The following PKP4 variants were observed in gnomAD, a reference collection of about 807,000 sequenced individuals.
PKP4 encodes the protein plakophilin 4.
In PKP4, 90 loss-of-function variants were observed where a neutral mutation model predicts 145.1. That is an observed-to-expected ratio of 0.62 (90% CI 0.52 to 0.74). PKP4 has a LOEUF of 0.74. Among genes scored for constraint, PKP4 ranks in the 30% least tolerant of loss-of-function variants. PKP4 has a pLI of 0.00. For synonymous variants in PKP4, 563 were observed against 577.2 expected (o/e 0.98, Z 0.35); for missense variants, 1,340 against 1,482.7 (o/e 0.90, Z 1.58).
intron 1 of PKP4, among the ~76,000 whole-genome samples, chr2:158,507,130 G>A (rs1219250444): frequency 2.0e-5 from 3 of 152,122 alleles, no homozygotes; most frequent in Admixed American, 6.5e-5. Context: ...CCATTACTTC[G>A]ATGTTTTTAT....
At chr2:158,483,622 A>G (rs559018195) in intron 1 of PKP4, among the ~76,000 whole-genome samples, 5 of 152,262 alleles carry the variant, frequency 3.3e-5, no homozygotes, top group South Asian at 2.1e-4. Flanking sequence ...GGGATCTACT[A>G]TCTGGAAAAG....
chr2:158,626,470 A>G (rs1266857065), intron 7 of PKP4, among the ~76,000 whole-genome samples: 2 of 152,236 alleles, frequency 1.3e-5, no homozygotes, highest in Admixed American at 6.5e-5. Context: ...ATGATGTAGT[A>G]CATACATTGT....
intron 1 of PKP4, among the ~76,000 whole-genome samples, chr2:158,470,357 T>C (rs1280827663): frequency 6.6e-6 from 1 of 152,188 alleles, no homozygotes; most frequent in African/African-American, 2.4e-5. Context: ...CTCTCCTTCC[T>C]GAACCCTCCA....
At chr2:158,522,639 G>T (rs573364643) in intron 1 of PKP4, among the ~76,000 whole-genome samples, 1 of 150,334 alleles carries the variant, frequency 6.7e-6, no homozygotes, top group African/African-American at 2.5e-5. Context: ...CAAGATGGCC[G>T]AATAGGAACA....
chr2:158,671,302 C>G (rs1219658902), intron 17 of PKP4, among the ~76,000 whole-genome samples: 2 of 151,102 alleles, frequency 1.3e-5, no homozygotes, highest in African/African-American at 4.9e-5. Context: ...CACCTATCAG[C>G]AGTAATGATA....
intron 3 of PKP4, among the ~76,000 whole-genome samples, chr2:158,580,614 C>T (rs1183670937): frequency 1.3e-5 from 2 of 152,112 alleles, no homozygotes; most frequent in Non-Finnish European, 2.9e-5. Context: ...TAGAAGTTTT[C>T]CTTTTTTGAG....
intron 11 of PKP4, among the ~76,000 whole-genome samples, chr2:158,652,530 C>T (rs149636661): frequency 1.4e-3 from 220 of 152,304 alleles, no homozygotes; most frequent in Non-Finnish European, 2.4e-3. Flanking sequence ...TTTGCTAGAT[C>T]CTGAGTGTTT....
intron 1 of PKP4, among the ~76,000 whole-genome samples, chr2:158,518,280 C>T (rs1017581606): frequency 1.3e-5 from 2 of 152,174 alleles, no homozygotes; most frequent in African/African-American, 2.4e-5. Context: ...TACGTCACAG[C>T]TTAGTGATCT....
At chr2:158,457,367 C>T (rs1195221189) in intron 1 of PKP4, 149 bp downstream of exon 1, 1 of 152,140 alleles carries the variant, frequency 6.6e-6, no homozygotes, top group Non-Finnish European at 1.5e-5. Flanking sequence ...TCGCGGCCGC[C>T]GCGGCTTTCC....
intron 2 of PKP4, among the ~76,000 whole-genome samples, chr2:158,568,541 C>G (rs979916686): frequency 1.3e-5 from 2 of 152,158 alleles, no homozygotes; most frequent in Non-Finnish European, 2.9e-5. Context: ...TTAGGTGTAG[C>G]TACATAGCAG....
At chr2:158,531,149 A>G (rs2043506210) in intron 1 of PKP4, among the ~76,000 whole-genome samples, 1 of 152,194 alleles carries the variant, frequency 6.6e-6, no homozygotes, top group Non-Finnish European at 1.5e-5. Flanking sequence ...CCTCACAGTG[A>G]TGTAATACAA....
At chr2:158,530,325 C>T (rs2043401537) in intron 1 of PKP4, among the ~76,000 whole-genome samples, 1 of 152,016 alleles carries the variant, frequency 6.6e-6, no homozygotes, top group Non-Finnish European at 1.5e-5. Context: ...TTTCCTCCTT[C>T]CAGTTTTCTG....
At chr2:158,598,825 T>C (rs984962292) in intron 3 of PKP4, among the ~76,000 whole-genome samples, 2 of 152,174 alleles carry the variant, frequency 1.3e-5, no homozygotes, top group African/African-American at 4.8e-5. Flanking sequence ...AGGTAAACTT[T>C]AGAGCATTCT....
Position 158,560,012 on chromosome 2 carries a change from A to G in PKP4, c.133-17259A>G, listed in dbSNP as rs538567194. 3.3e-5 allele frequency among the ~76,000 whole-genome samples: 5 copies of G among 152,032 alleles called. No homozygotes were observed. The East Asian group carries it at 9.7e-4, about 29-fold the overall frequency. ...GTCCCGAGTAGCTGGGATTACAGTC[A>G]TGCACCACCACGCCTGGCTAATTTT... On this transcript the variant is annotated intron_variant, in intron 2 of 21. Coordinates refer to ENST00000389759, the MANE Select transcript of PKP4 (RefSeq NM_003628.6).
rs184257209 is a variant in PKP4, at chr2:158,465,672, C to G, written c.-6+8454C>G. The stretch of plus-strand genomic sequence containing the variant: ...ATGAATAAACAGAATGTTTCAAAAT[C>G]TCTCGTGATGTATGCTAGAATAAAT... On this transcript the variant is annotated intron_variant, in intron 1 of 21. Transcript: ENST00000389759. 4.2e-3 allele frequency among the ~76,000 whole-genome samples: 639 copies of G among 152,264 alleles called. 5 individuals carry two copies. Among genetic ancestry groups the G allele is most frequent in the South Asian group, 0.033 (161 of 4,826 alleles).
At chr2:158,536,543 T>A (rs535566548) in intron 2 of PKP4, among the ~76,000 whole-genome samples, 1 of 152,316 alleles carries the variant, frequency 6.6e-6, no homozygotes, top group African/African-American at 2.4e-5. Context: ...ATAGCAGTCT[T>A]GTTAACAAAC....
At chr2:158,618,213 T>C (rs897310110) in intron 4 of PKP4, among the ~76,000 whole-genome samples, 3 of 152,318 alleles carry the variant, frequency 2.0e-5, no homozygotes, top group South Asian at 4.1e-4. Context: ...ATTTATAGAA[T>C]AGAAGTTGAT....
At chr2:158,611,268 T>G (rs2051122342) in intron 4 of PKP4, among the ~76,000 whole-genome samples, 1 of 152,206 alleles carries the variant, frequency 6.6e-6, no homozygotes, top group South Asian at 2.1e-4. Flanking sequence ...ATAACAGGTA[T>G]TGAAGTGGTA....
Position 158,662,910 on chromosome 2 carries a change from G to A in PKP4, c.2225G>A (p.Cys742Tyr). ...SDYDSKTVEN[C>Y]VCTLRNLSYR... ...GCTGGGTTTCAGACGGTGGAGAACTGCGTGTGCACCCTGAGGAACCTGTCC... is the reference window on the plus strand; with the variant it reads ...GCTGGGTTTCAGACGGTGGAGAACTACGTGTGCACCCTGAGGAACCTGTCC... The change falls in exon 14 of 22, where the codon TGC becomes TAC. Residue 742 changes from cysteine (C) to tyrosine (Y), a missense_variant. By Grantham distance (194) the Cys-to-Tyr change is radical (BLOSUM62 -2). Coordinates refer to ENST00000389759, the MANE Select transcript of PKP4 (RefSeq NM_003628.6). 1 of 1,603,872 alleles carries A rather than the reference G, an allele frequency of 6.2e-7. No homozygotes were observed. Among genetic ancestry groups the A allele is most frequent in the Non-Finnish European group, 8.5e-7 (1 of 1,176,608 alleles).
Sources: allele counts gnomAD v4.1 joint callset (sites outside exome capture counted in the v4.1 genomes callset), GRCh38; gene constraint gnomAD v4.1.1; transcripts MANE v1.5; gene names NCBI Gene and HGNC (gene_info 2026-07-23, HGNC 2026-07-21).